The following CABIN1 variants were observed in gnomAD, a reference collection of about 807,000 sequenced individuals.
CABIN1 encodes the protein calcineurin binding protein 1.
In CABIN1, 133 loss-of-function variants were observed where a neutral mutation model predicts 227.7. The observed-to-expected ratio is 0.58, with a 90% CI of 0.51 to 0.67. CABIN1 has a LOEUF of 0.67. CABIN1 is among the 30% of genes least tolerant of loss of function. The pLI is 0.00. For missense variants in CABIN1, 2,408 were observed against 2,852.5 expected (o/e 0.84, Z 3.55); for synonymous variants, 1,086 against 1,155.1 (o/e 0.94, Z 1.21).
chr22:24,174,943 G>A (rs1360148250), intron 34 of CABIN1, among the ~76,000 whole-genome samples: 2 of 152,116 alleles, frequency 1.3e-5, no homozygotes, highest in African/African-American at 4.8e-5. Context: ...AGGGCCAGGG[G>A]TAGCGGAGTA....
In CABIN1 at chr22:24,171,845, A is replaced by G; in HGVS notation, c.5890A>G (p.Thr1964Ala). ...TGTCCAGCGGCCCAGTGATGCTCAC[A>G]CCAAGCCTCGCCCTGCACTAGCTGC... Reference protein sequence around the residue: ...DSVQRPSDAHTKPRPALAAAT... With the variant: ...DSVQRPSDAHAKPRPALAAAT... The change falls in exon 34 of 37, where the codon ACC becomes GCC. Residue 1964 changes from threonine (T) to alanine (A), a missense_variant. Around this residue, in one of 3 missense-constraint regions of CABIN1, gnomAD observed 714 missense variants for 773.8 expected, o/e 0.92. Coordinates refer to ENST00000263119, the MANE Select transcript of CABIN1 (RefSeq NM_012295.4). 6.2e-7 allele frequency: 1 copy of G among 1,614,070 alleles called. No homozygotes were observed. Among genetic ancestry groups the G allele is most frequent in the South Asian group, 1.1e-5 (1 of 91,086 alleles).
chr22:24,106,842 G>A (rs1045941685), intron 26 of CABIN1, among the ~76,000 whole-genome samples: 1 of 152,164 alleles, frequency 6.6e-6, no homozygotes, highest in African/African-American at 2.4e-5. Context: ...CCCTATTGAC[G>A]TGAAAGAATT....
At chr22:24,099,227 CT>C (rs2042069572) in intron 26 of CABIN1, among the ~76,000 whole-genome samples, 1 of 152,168 alleles carries the variant, frequency 6.6e-6, no homozygotes, top group Non-Finnish European at 1.5e-5. Context: ...CTGCCTCCAA[CT>C]TTCTGAACTA....
chr22:24,119,218 C>CT, intron 27 of CABIN1, 149 bp from the exon 28 acceptor site: 1 of 734,986 alleles, frequency 1.4e-6, no homozygotes, highest in Non-Finnish European at 2.4e-6. Flanking sequence ...CCTGTGCCTC[C>CT]TGCTGCTGGG....
At chr22:24,135,296 A>G (rs1485359349) in intron 29 of CABIN1, among the ~76,000 whole-genome samples, 1 of 151,996 alleles carries the variant, frequency 6.6e-6, no homozygotes, top group African/African-American at 2.4e-5. Context: ...AAGCTGAGGC[A>G]GGAGAATTGC....
chr22:24,049,718 G>A (rs1008034482), intron 7 of CABIN1, among the ~76,000 whole-genome samples: 1 of 152,092 alleles, frequency 6.6e-6, no homozygotes, highest in African/African-American at 2.4e-5. Context: ...TCCCTCCCAG[G>A]CTCCTTTTGT....
At chr22:24,035,112 C>T (rs1196438117) in intron 1 of CABIN1, among the ~76,000 whole-genome samples, 2 of 152,134 alleles carry the variant, frequency 1.3e-5, no homozygotes, top group Non-Finnish European at 2.9e-5. Flanking sequence ...TCTTTGCTGC[C>T]TTTAGATGTT....
Position 24,091,515 on chromosome 22 carries a change from C to T in CABIN1, c.3526-68C>T, listed in dbSNP as rs1267031937. 3.7e-6 allele frequency: 6 copies of T among 1,600,814 alleles called. No homozygotes were observed. In the East Asian group the frequency reaches 6.7e-5, roughly 18 times the overall value. ...GCAAATAGGTCGGCAGAGCTTTGTACAGGAAAAAGTCTGATCCCTGGGCAG... is the reference window on the plus strand; with the variant it reads ...GCAAATAGGTCGGCAGAGCTTTGTATAGGAAAAAGTCTGATCCCTGGGCAG... On this transcript the variant is annotated intron_variant, in intron 23 of 36. Coordinates refer to ENST00000263119, the MANE Select transcript of CABIN1 (RefSeq NM_012295.4).
intron 31 of CABIN1, among the ~76,000 whole-genome samples, chr22:24,166,215 A>T (rs1397582527): frequency 6.6e-6 from 1 of 152,176 alleles, no homozygotes; most frequent in Non-Finnish European, 1.5e-5. Context: ...AAGGGCCAGG[A>T]AGACTTGGCT....
At chr22:24,071,144 C>T in intron 17 of CABIN1, 102 bp downstream of exon 17, 4 of 1,496,258 alleles carry the variant, frequency 2.7e-6, no homozygotes, top group South Asian at 1.2e-5. Flanking sequence ...AATTAGGCAC[C>T]CAAAGGGGAC....
At chr22:24,148,550 C>T (rs1196217682) in intron 29 of CABIN1, among the ~76,000 whole-genome samples, 1 of 152,224 alleles carries the variant, frequency 6.6e-6, no homozygotes, top group Non-Finnish European at 1.5e-5. Flanking sequence ...TCCCTGTTTG[C>T]CTGCTCCCAG....
chr22:24,092,687 A>AGAGT (rs1555945747), intron 24 of CABIN1, among the ~76,000 whole-genome samples: 2 of 138,714 alleles, frequency 1.4e-5, no homozygotes, highest in Non-Finnish European at 3.1e-5. Context: ...TGATTATAAA[A>AGAGT]GTGTGTGTGT....
chr22:24,170,163 G>A (rs770181783), intron 33 of CABIN1: 29 of 458,082 alleles, frequency 6.3e-5, no homozygotes, highest in East Asian at 6.2e-4. Flanking sequence ...GGTATCTGCC[G>A]TGGGCAGATT....
intron 29 of CABIN1, chr22:24,155,922 C>T (rs1332822002): frequency 2.0e-6 from 1 of 500,894 alleles, no homozygotes. Context: ...GTCAGTTGCG[C>T]TCCTGGGCCC....
intron 26 of CABIN1, among the ~76,000 whole-genome samples, chr22:24,098,531 C>T (rs1053294942): frequency 6.6e-6 from 1 of 152,074 alleles, no homozygotes; most frequent in Admixed American, 6.5e-5. Context: ...AGTGTGGCCT[C>T]CTGGAGGGGC....
chr22:24,109,748 A>G (rs1023302173), intron 26 of CABIN1, among the ~76,000 whole-genome samples: 1 of 152,208 alleles, frequency 6.6e-6, no homozygotes, highest in African/African-American at 2.4e-5. Flanking sequence ...TAGGTGCGAA[A>G]GGGACTTAAC....
At chr22:24,092,722 G>GTGTT (rs1463265424) in intron 24 of CABIN1, among the ~76,000 whole-genome samples, 4 of 151,302 alleles carry the variant, frequency 2.6e-5, no homozygotes, top group Non-Finnish European at 4.4e-5. Context: ...GTGTGTGTGT[G>GTGTT]TGTTTTAAAG....
At chr22:24,101,632 T>C (rs1379900594) in intron 26 of CABIN1, 2 of 152,286 alleles carry the variant, frequency 1.3e-5, no homozygotes, top group African/African-American at 2.4e-5. Flanking sequence ...CAGCTCTGGC[T>C]GGTTGTGCTC....
intron 21 of CABIN1, 96 bp from the exon 22 acceptor site, chr22:24,084,910 G>A: frequency 6.4e-7 from 1 of 1,563,580 alleles, no homozygotes; most frequent in Non-Finnish European, 8.8e-7. Context: ...AGGAGAGGCT[G>A]GAGAGTCTGT....
Sources: gnomAD v4.1 joint callset for allele counts (sites outside exome capture counted in the v4.1 genomes callset) on GRCh38, gnomAD v4.1.1 for gene constraint, gnomAD v4.1.1 regional missense constraint, MANE v1.5 for transcripts, NCBI Gene and HGNC (gene_info 2026-07-23, HGNC 2026-07-21) for gene names.